KIF15: variants seen among roughly 807,000 people sequenced by gnomAD.
The protein encoded by KIF15 is kinesin family member 15.
Under a neutral mutation model 190.6 loss-of-function variants are expected in KIF15, and 140 were observed. The observed-to-expected ratio is 0.73, with a 90% CI of 0.64 to 0.84. The LOEUF (loss-of-function observed/expected upper bound fraction) is 0.84, where lower values mean the gene tolerates loss of function less well. KIF15 is among the 40% of genes least tolerant of loss of function. KIF15 has a pLI of 0.00. For missense variants in KIF15, 1,372 were observed against 1,584.4 expected (o/e 0.87, Z 2.28); for synonymous variants, 528 against 551.3 (o/e 0.96, Z 0.59).
chr3:44,849,572 G>A (rs1301661895), intron 32 of KIF15, among the ~76,000 whole-genome samples: 2 of 152,044 alleles, frequency 1.3e-5, no homozygotes, highest in Non-Finnish European at 2.9e-5. Context: ...AGAAATACAT[G>A]AACAAATTTC....
At chr3:44,772,022 C>G (rs894244672) in intron 1 of KIF15, among the ~76,000 whole-genome samples, 3 of 152,174 alleles carry the variant, frequency 2.0e-5, no homozygotes, top group African/African-American at 7.2e-5. Context: ...GGTACCACAG[C>G]TCTTCTTTCC....
chr3:44,812,998 G>T, intron 18 of KIF15, 77 bp from the exon 19 acceptor site: 7 of 817,070 alleles, frequency 8.6e-6, no homozygotes, highest in Non-Finnish European at 1.1e-5. Context: ...AAAAAAAAAA[G>T]AAACAGGTTA....
In KIF15 at chr3:44,852,816, T is replaced by C; in HGVS notation, c.*81T>C. ...ACAAGTAAGACCTACTCCTGGCCAC[T>C]TAGGAGAGCTGAATTTATGGACCTT... On this transcript the variant is annotated 3_prime_UTR_variant, in exon 35 of 35. Transcript: ENST00000326047. The C allele has an allele frequency of 1.8e-6, 2 of 1,095,588 alleles. No individual in the cohort carries two copies. The highest frequency in any genetic ancestry group is 1.5e-5 in the South Asian group (1 of 68,524). 67.9% of individuals were successfully genotyped at this position (1,095,588 alleles called of 1,614,324 possible).
chr3:44,861,966 G>A (rs1039661811), intron 6 of KIF15: 4 of 1,399,018 alleles, frequency 2.9e-6, no homozygotes, highest in Middle Eastern at 2.0e-4. Flanking sequence ...CCGTGTCCGC[G>A]ACCGCGTACC....
Position 44,810,987 on chromosome 3 carries a change from C to T in KIF15, c.2113C>T (p.Pro705Ser). ...TGATATATTAAATGAGCCAGTTCCT[C>T]CTGAGATGAATGAACAAGCTTTTGA... ...DNDILNEPVP[P>S]EMNEQAFEAI... Residue 705 changes from proline to serine, a missense_variant, in exon 17 of 35, where the codon CCT becomes TCT. Coordinates refer to ENST00000326047, the MANE Select transcript of KIF15 (RefSeq NM_020242.3). 1 of 1,613,828 alleles carries T rather than the reference C, an allele frequency of 6.2e-7. No individual in the cohort carries two copies. The highest frequency in any genetic ancestry group is 8.5e-7 in the Non-Finnish European group (1 of 1,179,874).
At chr3:44,836,076 G>A (rs953156382) in intron 26 of KIF15, among the ~76,000 whole-genome samples, 2 of 152,166 alleles carry the variant, frequency 1.3e-5, no homozygotes, top group Admixed American at 6.5e-5. Flanking sequence ...GATGGGCACG[G>A]TGACTCACAC....
chr3:44,781,004 A>C (rs540184728), intron 5 of KIF15, 82 bp downstream of exon 5: 11 of 991,970 alleles, frequency 1.1e-5, no homozygotes, highest in Non-Finnish European at 7.8e-6. Context: ...GAAAGGCATA[A>C]TTTCTATATA....
intron 6 of KIF15, chr3:44,862,187 G>T: frequency 9.8e-7 from 1 of 1,019,470 alleles, no homozygotes; most frequent in Non-Finnish European, 1.2e-6. Flanking sequence ...CGGAGGAGGG[G>T]CGCTGCGGGG....
At chr3:44,835,174 T>C (rs958340436) in intron 26 of KIF15, among the ~76,000 whole-genome samples, 34 of 152,100 alleles carry the variant, frequency 2.2e-4, no homozygotes, top group African/African-American at 8.0e-4. Context: ...AAAGGGAGAC[T>C]TGGACAGGAA....
chr3:44,826,196 TAAG>T lies in KIF15; in HGVS notation c.2700+11_2700+13del, dbSNP rs1697632324. ...TCTGAAATCTGATCTGAATGTATGT[TAAG>T]AAGGGTGAATTTGTCCCGCATCTGT... On this transcript the variant is annotated splice_region_variant and intron_variant, in intron 21 of 34. Transcript: ENST00000326047. The T allele has an allele frequency of 1.3e-6, 2 of 1,566,876 alleles. No homozygotes were observed. Among genetic ancestry groups the T allele is most frequent in the South Asian group, 1.2e-5 (1 of 83,788 alleles).
Position 44,805,877 on chromosome 3 carries a change from A to G in KIF15, c.1862A>G (p.Gln621Arg). The G allele has an allele frequency of 6.2e-7, 1 of 1,614,112 alleles. No individual in the cohort carries two copies. The highest frequency in any genetic ancestry group is 8.5e-7 in the Non-Finnish European group (1 of 1,179,968). ...KRQLELESELQSLQKANLNLE... is the reference protein window; with the variant it reads ...KRQLELESELRSLQKANLNLE... ...CAGCTAGAATTGGAATCAGAGCTTC[A>G]GTCTTTGCAAAAAGCGAACCTTAAT... Residue 621 changes from glutamine to arginine, a missense_variant, in exon 16 of 35, where the codon CAG becomes CGG. Transcript: ENST00000326047.
rs775187976 is a variant in KIF15, at chr3:44,826,065, G to A, written c.2576G>A (p.Ser859Asn). 1.3e-6 allele frequency: 2 copies of A among 1,585,104 alleles called. No homozygotes were observed. The highest frequency in any genetic ancestry group is 2.3e-5 in the East Asian group (1 of 44,346). The change falls in exon 21 of 35, where the codon AGC becomes AAC. Residue 859 changes from serine (S) to asparagine (N), a missense_variant. Ser to Asn is a conservative substitution (Grantham distance 46). Coordinates refer to ENST00000326047, the MANE Select transcript of KIF15 (RefSeq NM_020242.3). ...LRLENEKLLESKACLQDSYDN... is the reference protein window; with the variant it reads ...LRLENEKLLENKACLQDSYDN... ...TTAGAAAACGAAAAGCTGCTTGAGA[G>A]CAAAGCCTGCCTACAGGATTCCTAT...
At chr3:44,766,347 C>G (rs1483719478) in intron 1 of KIF15, among the ~76,000 whole-genome samples, 2 of 152,130 alleles carry the variant, frequency 1.3e-5, no homozygotes, top group African/African-American at 2.4e-5. Context: ...GGGAGTGTAG[C>G]AGCCCACCTT....
At chr3:44,823,203 C>T (rs1697452544) in intron 20 of KIF15, among the ~76,000 whole-genome samples, 1 of 152,082 alleles carries the variant, frequency 6.6e-6, no homozygotes, top group Non-Finnish European at 1.5e-5. Flanking sequence ...TATGGATGCC[C>T]TTTTTGTTGG....
At chr3:44,836,546 A>G (rs1178755327) in intron 26 of KIF15, among the ~76,000 whole-genome samples, 1 of 152,160 alleles carries the variant, frequency 6.6e-6, no homozygotes, top group Non-Finnish European at 1.5e-5. Context: ...ATGACAAAGT[A>G]TTTTACCACC....
intron 7 of KIF15, among the ~76,000 whole-genome samples, chr3:44,790,716 T>TTTTTTTC (rs1706654155): frequency 9.3e-6 from 1 of 107,320 alleles, no homozygotes; most frequent in Non-Finnish European, 2.0e-5. Flanking sequence ...TTTTTTTTTT[T>TTTTTTTC]TGAGTCTCGC....
chr3:44,840,254 G>T (rs1232252850), intron 27 of KIF15, 101 bp from the exon 28 acceptor site: 33 of 650,846 alleles, frequency 5.1e-5, no homozygotes, highest in Non-Finnish European at 8.2e-5. Context: ...GTTTTCATTT[G>T]CATTTCCCTG....
At chr3:44,790,958 G>A (rs1296054044) in intron 7 of KIF15, among the ~76,000 whole-genome samples, 1 of 152,146 alleles carries the variant, frequency 6.6e-6, no homozygotes, top group Non-Finnish European at 1.5e-5. Context: ...TGGGATTACA[G>A]GCGCGAGCCA....
intron 26 of KIF15, among the ~76,000 whole-genome samples, chr3:44,837,404 A>G (rs1036196105): frequency 6.6e-6 from 1 of 152,254 alleles, no homozygotes; most frequent in African/African-American, 2.4e-5. Context: ...ATAGTGAAAA[A>G]TTCAAATCAA....
Sources: gnomAD v4.1 joint callset for allele counts (sites outside exome capture counted in the v4.1 genomes callset) on GRCh38, gnomAD v4.1.1 for gene constraint, MANE v1.5 for transcripts, NCBI Gene and HGNC (gene_info 2026-07-23, HGNC 2026-07-21) for gene names.